The following CLIC5 variants were observed in gnomAD, a reference collection of about 807,000 sequenced individuals.
The protein encoded by CLIC5 is chloride intracellular channel protein 5.
CLIC5 carries 20 observed loss-of-function variants against 24.7 expected under a neutral mutation model. The observed-to-expected ratio is 0.81, with a 90% CI of 0.57 to 1.18. The LOEUF (loss-of-function observed/expected upper bound fraction) is 1.18. Among genes scored for constraint, CLIC5 ranks in the 50% most tolerant of loss-of-function variants. CLIC5 has a pLI of 0.00. For missense variants in CLIC5, 341 were observed against 326.1 expected (o/e 1.05, Z -0.35); for synonymous variants, 159 against 135.6 (o/e 1.17, Z -1.20).
chr6:46,102,491 A>AT, the CLIC5 span: 1 of 152,174 alleles, frequency 6.6e-6, no homozygotes, highest in African/African-American at 2.4e-5. Context: ...ATATTCTAAG[A>AT]TTTTGTGGCT....
downstream of CLIC5, among the ~76,000 whole-genome samples, chr6:45,894,407 CAATT>C (rs1762377302): frequency 6.6e-6 from 1 of 151,918 alleles, no homozygotes; most frequent in East Asian, 1.9e-4. Context: ...ATTATAGCAT[CAATT>C]GAGTAAAAAA....
intron 1 of CLIC5, among the ~76,000 whole-genome samples, chr6:45,990,546 C>T (rs1288294862): frequency 6.6e-6 from 1 of 152,226 alleles, no homozygotes; most frequent in African/African-American, 2.4e-5. Context: ...AGCCTGCCTG[C>T]AGGTGAGTTA....
At chr6:46,077,030 G>A (rs549111642) in intron 1 of CLIC5, among the ~76,000 whole-genome samples, 5 of 152,106 alleles carry the variant, frequency 3.3e-5, no homozygotes, top group African/African-American at 1.2e-4. Context: ...TAAGCTACTC[G>A]GGAGGCAGAG....
At chr6:45,935,999 C>G (rs77773890) in intron 4 of CLIC5, among the ~76,000 whole-genome samples, 2,183 of 152,194 alleles carry the variant, frequency 0.014, 28 homozygotes, top group Admixed American at 0.034. Context: ...CCCCGATTTC[C>G]TCCATCCTCC....
the CLIC5 span, among the ~76,000 whole-genome samples, chr6:46,092,544 C>T: frequency 6.6e-6 from 1 of 152,096 alleles, no homozygotes; most frequent in African/African-American, 2.4e-5. Flanking sequence ...TGGCTCCTAC[C>T]ATTCATAACA....
At chr6:45,995,978 G>T (rs571183276) in intron 1 of CLIC5, among the ~76,000 whole-genome samples, 2 of 152,190 alleles carry the variant, frequency 1.3e-5, no homozygotes, top group East Asian at 1.9e-4. Context: ...GGCTGGGGTG[G>T]GGGGAGAGAG....
At chr6:46,120,061 G>A in the CLIC5 span, among the ~76,000 whole-genome samples, 31 of 152,204 alleles carry the variant, frequency 2.0e-4, no homozygotes, top group Non-Finnish European at 3.7e-4. Flanking sequence ...AAATGTCCCT[G>A]TCTAACAGCT....
chr6:46,029,223 C>T (rs1767430485), intron 1 of CLIC5, among the ~76,000 whole-genome samples: 1 of 152,126 alleles, frequency 6.6e-6, no homozygotes, highest in African/African-American at 2.4e-5. Flanking sequence ...AATAAATGGG[C>T]AAGGGAATGA....
At chr6:45,909,317 C>A (rs572986485) in intron 5 of CLIC5, among the ~76,000 whole-genome samples, 1 of 152,190 alleles carries the variant, frequency 6.6e-6, no homozygotes, top group South Asian at 2.1e-4. Flanking sequence ...TTGATCTTTT[C>A]GTGAAGCTGT....
At chr6:45,958,441 T>TATATACACACACACACACAC (rs1278907089) in intron 1 of CLIC5, among the ~76,000 whole-genome samples, 30 of 17,932 alleles carry the variant, frequency 1.7e-3, no homozygotes, top group Non-Finnish European at 3.1e-3. Context: ...TATATATATA[T>TATATACACACACACACACAC]ATATATATAT....
Position 46,038,968 on chromosome 6 carries a change from TAAG to T in CLIC5, c.540+40732_540+40734del, listed in dbSNP as rs1230371389. On this transcript the variant is annotated intron_variant, in intron 1 of 5. Coordinates refer to the CLIC5 transcript ENST00000185206. ...ATGTAACATCTATGTACTATGGAGA[TAAG>T]AATATCATTAAATGCATACATAAGA... Among the ~76,000 whole-genome samples the T allele has an allele frequency of 6.6e-5, 10 of 152,340 alleles. No individual in the cohort carries two copies. In the East Asian group the frequency reaches 1.5e-3, roughly 23 times the overall value.
chr6:45,951,573 G>A (rs1764468957), intron 2 of CLIC5, among the ~76,000 whole-genome samples: 1 of 152,098 alleles, frequency 6.6e-6, no homozygotes, highest in South Asian at 2.1e-4. Flanking sequence ...CAAGAATGGA[G>A]CAAAATGAGG....
chr6:46,041,480 G>A (rs1432894419), intron 1 of CLIC5, among the ~76,000 whole-genome samples: 1 of 152,160 alleles, frequency 6.6e-6, no homozygotes, highest in Non-Finnish European at 1.5e-5. Flanking sequence ...CTTAGAGTCT[G>A]TTTACAGCCT....
At chr6:46,043,121 A>G (rs1767856546) in intron 1 of CLIC5, among the ~76,000 whole-genome samples, 1 of 152,154 alleles carries the variant, frequency 6.6e-6, no homozygotes, top group Admixed American at 6.6e-5. Context: ...CGTCATTAGC[A>G]CCAACAGAGT....
At chr6:45,894,856 C>A (rs146629619), downstream of CLIC5, among the ~76,000 whole-genome samples, 430 of 152,252 alleles carry the variant, frequency 2.8e-3, 1 homozygote, top group African/African-American at 9.6e-3. Context: ...GTCGAGCAAG[C>A]TGTAGGTCTT....
intron 1 of CLIC5, among the ~76,000 whole-genome samples, chr6:45,963,040 A>G (rs907905740): frequency 3.3e-5 from 5 of 152,072 alleles, no homozygotes; most frequent in African/African-American, 9.7e-5. Flanking sequence ...CTACTCCTAC[A>G]TGGCTTCTTT....
chr6:45,988,280 A>C (rs535767956), intron 1 of CLIC5, among the ~76,000 whole-genome samples: 6 of 152,360 alleles, frequency 3.9e-5, no homozygotes, highest in African/African-American at 1.4e-4. Context: ...ATTAGATCTT[A>C]AGGTCTGAGA....
chr6:45,963,467 C>T (rs143769682), intron 1 of CLIC5, among the ~76,000 whole-genome samples: 2 of 152,264 alleles, frequency 1.3e-5, no homozygotes, highest in African/African-American at 4.8e-5. Flanking sequence ...CACTGGCCTG[C>T]CTGTGGACCC....
intron 1 of CLIC5, among the ~76,000 whole-genome samples, chr6:45,970,474 A>G (rs1171431870): frequency 6.6e-6 from 1 of 152,224 alleles, no homozygotes; most frequent in Non-Finnish European, 1.5e-5. Flanking sequence ...AAAAGGGGAA[A>G]TGAAAATCTT....
Sources: allele counts gnomAD v4.1 joint callset (sites outside exome capture counted in the v4.1 genomes callset), GRCh38; gene constraint gnomAD v4.1.1; transcripts MANE v1.5; gene names NCBI Gene and HGNC (gene_info 2026-07-23, HGNC 2026-07-21).